SORCS1: variants seen among roughly 807,000 people sequenced by gnomAD.
SORCS1 encodes VPS10 domain-containing receptor SorCS1.
A neutral mutation model predicts 146.1 loss-of-function variants in SORCS1; 60 were observed. The ratio of observed to expected loss-of-function variants is 0.41; its 90% CI spans 0.33 to 0.51. The LOEUF (loss-of-function observed/expected upper bound fraction) is 0.51. Among genes scored for constraint, SORCS1 ranks in the 20% least tolerant of loss-of-function variants. The pLI is 0.21. For synonymous variants in SORCS1, 637 were observed against 584.0 expected (o/e 1.09, Z -1.31); for missense variants, 1,352 against 1,487.6 (o/e 0.91, Z 1.50).
intron 18 of SORCS1, among the ~76,000 whole-genome samples, chr10:106,630,652 T>G (rs2133585786): frequency 6.6e-6 from 1 of 152,168 alleles, no homozygotes; most frequent in South Asian, 2.1e-4. Context: ...TCTTAAAGAG[T>G]TGTAAAAACT....
At chr10:106,736,697 C>T (rs67748251) in intron 5 of SORCS1, among the ~76,000 whole-genome samples, 117,564 of 151,350 alleles carry the variant, frequency 0.78, 46,643 homozygotes, top group Non-Finnish European at 0.87. Context: ...GCGTCCAACA[C>T]GGGCAAATGG....
chr10:106,927,870 T>C (rs1953146704), intron 2 of SORCS1, among the ~76,000 whole-genome samples: 1 of 152,144 alleles, frequency 6.6e-6, no homozygotes, highest in African/African-American at 2.4e-5. Flanking sequence ...ATCCCTGAGC[T>C]AGACATAAAG....
chr10:107,178,969 A>T, the SORCS1 span, among the ~76,000 whole-genome samples: 1 of 152,252 alleles, frequency 6.6e-6, no homozygotes, highest in Admixed American at 6.5e-5. Context: ...CTTTCCTTTG[A>T]ATAAAGACTC....
At chr10:106,593,695 G>T (rs1845745616) in intron 24 of SORCS1, among the ~76,000 whole-genome samples, 1 of 152,316 alleles carries the variant, frequency 6.6e-6, no homozygotes, top group Middle Eastern at 3.4e-3. Context: ...TAACAGGAAA[G>T]ATTTCTACAA....
chr10:107,014,253 C>CAAAAAAAAAAAAAAAAAAA (rs562179526), intron 1 of SORCS1, among the ~76,000 whole-genome samples: 1 of 79,358 alleles, frequency 1.3e-5, no homozygotes, highest in Non-Finnish European at 2.4e-5. Context: ...GACCCTGCGT[C>CAAAAAAAAAAAAAAAAAAA]AAAAAAAAAA....
intron 25 of SORCS1, chr10:106,578,018 C>T (rs1356083896): frequency 2.0e-5 from 3 of 153,580 alleles, no homozygotes; most frequent in Admixed American, 6.5e-5. Context: ...TTTACATACT[C>T]ATTGTTTTCC....
intron 4 of SORCS1, among the ~76,000 whole-genome samples, chr10:106,763,683 C>G (rs541079571): frequency 1.3e-5 from 2 of 152,130 alleles, no homozygotes; most frequent in African/African-American, 4.8e-5. Flanking sequence ...TTCTATGAAC[C>G]CTCCTCTACC....
chr10:107,111,444 T>C (rs1469456220), intron 1 of SORCS1, among the ~76,000 whole-genome samples: 2 of 152,120 alleles, frequency 1.3e-5, no homozygotes, highest in African/African-American at 4.8e-5. Flanking sequence ...AACAGACAAC[T>C]TTAACAGCAG....
rs113044118 is a variant in SORCS1 at position 107,154,852 on chromosome 10, T to C, written c.558+9117A>G. ...AAGTTATATTATCTCTGTTAATTTC[T>C]GTTAAGAAGTTATACTATCTCTGTT... On this transcript the variant is annotated intron_variant, in intron 1 of 25. Coordinates refer to ENST00000263054, the MANE Select transcript of SORCS1 (RefSeq NM_052918.5). Among the ~76,000 whole-genome samples the C allele has an allele frequency of 8.9e-4, 135 of 152,354 alleles. 1 individual carries two copies. The highest frequency in any genetic ancestry group is 3.1e-3 in the African/African-American group (128 of 41,584).
At chr10:107,107,938 A>C (rs1037783429) in intron 1 of SORCS1, among the ~76,000 whole-genome samples, 2 of 152,190 alleles carry the variant, frequency 1.3e-5, no homozygotes, top group Admixed American at 6.5e-5. Context: ...TAGACCCTGA[A>C]ACAGCTCTGA....
intron 19 of SORCS1, among the ~76,000 whole-genome samples, chr10:106,622,733 C>T (rs1328160462): frequency 1.3e-5 from 2 of 152,184 alleles, no homozygotes; most frequent in African/African-American, 4.8e-5. Context: ...TTTATCCTCA[C>T]AAAACAATCT....
chr10:106,703,856 C>T (rs1409984878), intron 8 of SORCS1, among the ~76,000 whole-genome samples: 1 of 152,156 alleles, frequency 6.6e-6, no homozygotes, highest in East Asian at 1.9e-4. Flanking sequence ...TAAACATCCA[C>T]CCGGACTAAA....
At chr10:106,968,525 G>C (rs1317881697) in intron 1 of SORCS1, among the ~76,000 whole-genome samples, 1 of 152,250 alleles carries the variant, frequency 6.6e-6, no homozygotes, top group Non-Finnish European at 1.5e-5. Context: ...AGGAAGAAAT[G>C]AAGCAAGTCT....
At chr10:107,086,552 T>A (rs1963776314) in intron 1 of SORCS1, among the ~76,000 whole-genome samples, 1 of 152,258 alleles carries the variant, frequency 6.6e-6, no homozygotes. Context: ...TATTTTGACT[T>A]CGCCATTTAT....
chr10:106,609,243 C>A lies in SORCS1; in HGVS notation c.3034-1946G>T, dbSNP rs7091880. 9.8e-3 allele frequency among the ~76,000 whole-genome samples: 1,496 copies of A among 152,296 alleles called. 15 individuals are homozygous for A. Among genetic ancestry groups the A allele is most frequent in the African/African-American group, 0.025 (1,040 of 41,552 alleles). ...AGCTCCTATTACAGCAAACCCCACACTGTTTTATGCCCTTACTAGACTGTA... is the reference window on the plus strand; with the variant it reads ...AGCTCCTATTACAGCAAACCCCACAATGTTTTATGCCCTTACTAGACTGTA... On this transcript the variant is annotated intron_variant, in intron 22 of 25. Coordinates refer to ENST00000263054, the MANE Select transcript of SORCS1 (RefSeq NM_052918.5).
At chr10:106,773,347 G>A (rs1316859240) in intron 4 of SORCS1, among the ~76,000 whole-genome samples, 1 of 152,160 alleles carries the variant, frequency 6.6e-6, no homozygotes, top group African/African-American at 2.4e-5. Context: ...GACCCATGGG[G>A]GACTGTCAGC....
At position 107,060,793 on chromosome 10, in the gene SORCS1, G is replaced by A. The variant is rs1245962424; in HGVS notation, c.558+103176C>T. 1.3e-5 allele frequency among the ~76,000 whole-genome samples: 2 copies of A among 151,816 alleles called. No individual in the cohort carries two copies. The highest frequency in any genetic ancestry group is 4.8e-5 in the African/African-American group (2 of 41,294). On this transcript the variant is annotated intron_variant, in intron 1 of 25. Coordinates refer to ENST00000263054, the MANE Select transcript of SORCS1 (RefSeq NM_052918.5). This position sits in a 1 kb window ranked among gnomAD's most constrained non-coding sequence, Gnocchi z 4.1. ...AGCACTTCCTTTATTATCTCATACC[G>A]TGTCTTTCTTTTCAATGAGATTTTT...
intron 1 of SORCS1, among the ~76,000 whole-genome samples, chr10:106,981,162 C>G (rs1956232737): frequency 6.6e-6 from 1 of 152,140 alleles, no homozygotes; most frequent in African/African-American, 2.4e-5. Flanking sequence ...AAGCTTAACA[C>G]TTACCCCTCC....
intron 2 of SORCS1, among the ~76,000 whole-genome samples, chr10:106,911,894 C>G (rs532971391): frequency 6.6e-6 from 1 of 152,050 alleles, no homozygotes. Flanking sequence ...GGGTGGATCA[C>G]GAGGTCAGGA....
Sources: gnomAD v4.1 joint callset for allele counts (sites outside exome capture counted in the v4.1 genomes callset) on GRCh38, gnomAD v4.1.1 for gene constraint, Gnocchi (gnomAD v3.1) non-coding constraint, MANE v1.5 for transcripts, NCBI Gene and HGNC (gene_info 2026-07-23, HGNC 2026-07-21) for gene names.